AK8: variants seen among roughly 807,000 people sequenced by gnomAD.
The protein encoded by AK8 is adenylate kinase 8, also known as ATP-AMP transphosphorylase 8.
Under a neutral mutation model 54.6 loss-of-function variants are expected in AK8, and 44 were observed. The ratio of observed to expected loss-of-function variants is 0.81; its 90% CI spans 0.63 to 1.04. The LOEUF (loss-of-function observed/expected upper bound fraction) is 1.04, where lower values mean the gene tolerates loss of function less well. Ranked by LOEUF, AK8 falls within the 50% of genes least tolerant of loss-of-function variation. AK8 has a pLI of 0.00. For synonymous variants in AK8, 239 were observed against 245.6 expected, an observed-to-expected ratio of 0.97 and a Z score of 0.25; for missense variants, 555 against 613.6, an observed-to-expected ratio of 0.90 and a Z score of 1.01.
At chr9:132,834,229 G>A (rs1842226750) in intron 5 of AK8, among the ~76,000 whole-genome samples, 1 of 152,212 alleles carries the variant, frequency 6.6e-6, no homozygotes, top group Non-Finnish European at 1.5e-5. Flanking sequence ...CAGCCAGGAA[G>A]GAAATGCATC....
intron 10 of AK8, among the ~76,000 whole-genome samples, chr9:132,796,770 TACAC>T (rs10590924): frequency 0.17 from 24,264 of 142,138 alleles, 2,402 homozygotes; most frequent in East Asian, 0.29. Flanking sequence ...ACATACATGC[TACAC>T]ACACACACAC....
intron 11 of AK8, among the ~76,000 whole-genome samples, chr9:132,734,387 C>T (rs1303678383): frequency 1.3e-5 from 2 of 152,126 alleles, no homozygotes; most frequent in Non-Finnish European, 2.9e-5. Flanking sequence ...GGCCTGGGCA[C>T]CACTCCCGGA....
At chr9:132,749,495 A>G (rs1837804519) in intron 11 of AK8, among the ~76,000 whole-genome samples, 2 of 151,808 alleles carry the variant, frequency 1.3e-5, no homozygotes, top group African/African-American at 2.4e-5. Context: ...GATACCTCTC[A>G]CTGCGTCTTC....
intron 11 of AK8, among the ~76,000 whole-genome samples, chr9:132,730,519 C>T (rs753803323): frequency 1.4e-5 from 2 of 147,636 alleles, no homozygotes; most frequent in Non-Finnish European, 3.0e-5. Context: ...TAGGGTTGGG[C>T]GGGATCTTAG....
chr9:132,775,493 G>C (rs1009871263), intron 11 of AK8, among the ~76,000 whole-genome samples: 3 of 152,010 alleles, frequency 2.0e-5, no homozygotes, highest in Non-Finnish European at 4.4e-5. Context: ...AGTACAGATG[G>C]GGTTTTGCCA....
intron 10 of AK8, among the ~76,000 whole-genome samples, chr9:132,810,448 G>C (rs1359840885): frequency 6.6e-6 from 1 of 152,106 alleles, no homozygotes; most frequent in African/African-American, 2.4e-5. Flanking sequence ...TTTTAGTGGT[G>C]GATGAATTAA....
chr9:132,828,973 T>G (rs74354793), intron 5 of AK8, among the ~76,000 whole-genome samples: 11 of 151,694 alleles, frequency 7.3e-5, no homozygotes, highest in African/African-American at 2.4e-4. Context: ...TTTTTTTTTT[T>G]GAGATGGAGT....
In AK8 at chr9:132,846,965, A is replaced by G. The variant is rs566262623; in HGVS notation, c.402+7892T>C. ...GATGCCAGGCTCAGACGCATGCTCC[A>G]TTCAGGTCTCTGGCTTCTCCCGGGC... is the stretch of plus-strand genomic sequence containing the variant. On this transcript the variant is annotated intron_variant, in intron 5 of 12. Transcript: ENST00000298545. 4.9e-4 allele frequency among the ~76,000 whole-genome samples: 74 copies of G among 152,358 alleles called. No individual in the cohort carries two copies. In the South Asian group the frequency reaches 0.014, roughly 29 times the overall value.
At chr9:132,834,820 T>C (rs149088328) in intron 5 of AK8, among the ~76,000 whole-genome samples, 1 of 152,124 alleles carries the variant, frequency 6.6e-6, no homozygotes, top group African/African-American at 2.4e-5. Flanking sequence ...CAATGATCTC[T>C]AGGATATGAA....
chr9:132,821,686 T>C (rs953721495), intron 9 of AK8, among the ~76,000 whole-genome samples: 3 of 150,950 alleles, frequency 2.0e-5, no homozygotes, highest in Non-Finnish European at 1.5e-5. Flanking sequence ...TATATTTGTA[T>C]GCATATACAT....
intron 11 of AK8, among the ~76,000 whole-genome samples, chr9:132,740,691 C>T (rs1439543360): frequency 1.3e-5 from 2 of 151,772 alleles, no homozygotes; most frequent in African/African-American, 4.8e-5. Context: ...CTCTGGCCTC[C>T]TCCAGTCTTA....
intron 4 of AK8, among the ~76,000 whole-genome samples, chr9:132,856,598 C>T (rs2131390411): frequency 6.6e-6 from 1 of 152,292 alleles, no homozygotes; most frequent in South Asian, 2.1e-4. Flanking sequence ...AATCTGCACA[C>T]CCCACTCCCA....
chr9:132,829,841 C>A (rs1271242633), intron 5 of AK8, among the ~76,000 whole-genome samples: 1 of 152,048 alleles, frequency 6.6e-6, no homozygotes, highest in African/African-American at 2.4e-5. Flanking sequence ...TGGCGTGAGC[C>A]ACTGTGCCTG....
intron 5 of AK8, among the ~76,000 whole-genome samples, chr9:132,844,478 G>A (rs911585422): frequency 6.6e-6 from 1 of 151,980 alleles, no homozygotes; most frequent in African/African-American, 2.4e-5. Context: ...CCATATAAAT[G>A]AATATGCATA....
intron 10 of AK8, among the ~76,000 whole-genome samples, chr9:132,813,756 G>T (rs1265125363): frequency 6.6e-6 from 1 of 152,134 alleles, no homozygotes; most frequent in African/African-American, 2.4e-5. Flanking sequence ...GCTCCCAAAG[G>T]TGCCCTTACT....
chr9:132,783,274 C>T (rs909014202), intron 11 of AK8, among the ~76,000 whole-genome samples: 4 of 151,706 alleles, frequency 2.6e-5, no homozygotes, highest in Non-Finnish European at 5.9e-5. Flanking sequence ...AATGTGGAAG[C>T]CTCTAGAAGG....
chr9:132,781,990 A>T lies in AK8; in HGVS notation c.1121+10644T>A, dbSNP rs1588124625. Among the ~76,000 whole-genome samples the T allele has an allele frequency of 6.6e-6, 1 of 152,248 alleles. No homozygotes were observed. The highest frequency in any genetic ancestry group is 1.9e-4 in the East Asian group (1 of 5,202). ...TACCTTCAATGACTACGAAAGGATGATCAACAGCAGCATATGATTAAATCT... is the reference window on the plus strand; with the variant it reads ...TACCTTCAATGACTACGAAAGGATGTTCAACAGCAGCATATGATTAAATCT... On this transcript the variant is annotated intron_variant, in intron 11 of 12. Transcript: ENST00000298545. The surrounding 1 kb of genome is among the most constrained non-coding windows in gnomAD (Gnocchi z 4.6).
At chr9:132,817,349 C>A (rs889875936) in intron 9 of AK8, among the ~76,000 whole-genome samples, 1 of 151,970 alleles carries the variant, frequency 6.6e-6, no homozygotes, top group Non-Finnish European at 1.5e-5. Flanking sequence ...CCTTGACATG[C>A]AAAAAAGCAG....
chr9:132,812,563 C>CACTGGGATGACG (rs1564415180), intron 10 of AK8, among the ~76,000 whole-genome samples: 12 of 150,668 alleles, frequency 8.0e-5, no homozygotes, highest in South Asian at 2.1e-4. Flanking sequence ...CCGCCGCGCC[C>CACTGGGATGACG]GGCCGCTAGG....
Sources: allele counts gnomAD v4.1 joint callset (sites outside exome capture counted in the v4.1 genomes callset), GRCh38; gene constraint gnomAD v4.1.1; non-coding constraint Gnocchi (gnomAD v3.1); transcripts MANE v1.5; gene names NCBI Gene and HGNC (gene_info 2026-07-23, HGNC 2026-07-21).